The following C20orf204 variants were observed in gnomAD, a reference collection of about 807,000 sequenced individuals.
C20orf204 encodes the protein chromosome 20 open reading frame 204, also known as uncharacterized protein C20orf204.
C20orf204 carries 6 observed loss-of-function variants against 3.6 expected under a neutral mutation model. That is an observed-to-expected ratio of 1.68 (90% CI 0.92 to 3.31). The LOEUF (loss-of-function observed/expected upper bound fraction) is 3.31, where lower values mean the gene tolerates loss of function less well. C20orf204 is among the 30% of genes most tolerant of loss of function. The pLI is 0.00. For synonymous variants in C20orf204, 80 were observed against 41.4 expected (o/e 1.93, Z -3.58); for missense variants, 167 against 89.7 (o/e 1.86, Z -3.48).
At chr20:64,037,813 CCGTGGGGTGGGG>C (rs1182351496) in intron 1 of C20orf204, 102 bp from the exon 2 acceptor site, 5 of 404,996 alleles carry the variant, frequency 1.2e-5, no homozygotes, top group South Asian at 1.1e-4. Context: ...CTCAGAGATC[CCGTGGGGTGGGG>C]CAGGGGGTGG....
upstream of C20orf204, chr20:64,036,082 G>C (rs538808348): frequency 3.3e-3 from 508 of 152,498 alleles, 3 homozygotes; most frequent in Middle Eastern, 6.8e-3. Context: ...AGAGAGGGAG[G>C]GGGCAGGGCT....
rs1392198545 is a variant in C20orf204 at position 64,038,833 on chromosome 20, C to T, written c.*74C>T. ...GCAGAGCCTGGAGACGCGCCTCGTT[C>T]TGTAGACTTGTTGGTGACCTCGGCC... On this transcript the variant is annotated 3_prime_UTR_variant, in exon 4 of 4. Coordinates refer to ENST00000636176, the MANE Select transcript of C20orf204 (RefSeq NM_001387010.1). 1.3e-5 allele frequency: 9 copies of T among 714,746 alleles called. No individual in the cohort carries two copies. Among genetic ancestry groups the T allele is most frequent in the East Asian group, 2.8e-5 (1 of 36,326 alleles). The allele number at this position is 714,746 out of a possible 1,614,324, so 44.3% of individuals were successfully genotyped here.
chr20:64,036,704 C>T (rs2059338813), intron 1 of C20orf204: 2 of 152,302 alleles, frequency 1.3e-5, no homozygotes, highest in African/African-American at 4.8e-5. Context: ...CTCGCTATGA[C>T]CTCTGACCCA....
At chr20:64,036,109 T>G (rs556032046), upstream of C20orf204, 6 of 152,346 alleles carry the variant, frequency 3.9e-5, no homozygotes, top group East Asian at 7.8e-4. Context: ...GCGTGGCCTT[T>G]CCTTCCCTCT....
intron 1 of C20orf204, chr20:64,037,361 G>A (rs1414959831): frequency 6.6e-6 from 1 of 152,310 alleles, no homozygotes; most frequent in South Asian, 2.1e-4. Context: ...CAGTTCCCAC[G>A]TCTCTGTGAG....
At chr20:64,034,885 T>C (rs2059332410), upstream of C20orf204, 1 of 152,286 alleles carries the variant, frequency 6.6e-6, no homozygotes, top group African/African-American at 2.4e-5. Context: ...AGCCTGGCCC[T>C]GTACAGATGT....
At chr20:64,036,765 T>A (rs2059338933) in intron 1 of C20orf204, 1 of 152,428 alleles carries the variant, frequency 6.6e-6, no homozygotes. Flanking sequence ...AAGTTGGCTG[T>A]GGCGTGTGTG....
At chr20:64,035,663 C>T (rs962538111), upstream of C20orf204, 7 of 152,294 alleles carry the variant, frequency 4.6e-5, no homozygotes, top group African/African-American at 1.4e-4. Flanking sequence ...TCAGACTTAC[C>T]TCTTCAGCCA....
At chr20:64,037,520 T>G (rs2059342066) in intron 1 of C20orf204, 1 of 172,748 alleles carries the variant, frequency 5.8e-6, no homozygotes, top group South Asian at 2.0e-4. Flanking sequence ...TGGGGGGCCC[T>G]GCTCTGTGCG....
upstream of C20orf204, chr20:64,034,672 T>C (rs1236709032): frequency 6.6e-6 from 1 of 152,432 alleles, no homozygotes; most frequent in East Asian, 1.9e-4. Flanking sequence ...CCCTCAACAT[T>C]TATTCTGAAG....
chr20:64,035,126 A>G (rs1400026824), upstream of C20orf204: 1 of 152,246 alleles, frequency 6.6e-6, no homozygotes, highest in Non-Finnish European at 1.5e-5. Flanking sequence ...GCCAAACCAC[A>G]GTTGTGCGCC....
At chr20:64,038,548 G>A in intron 3 of C20orf204, 74 bp from the exon 4 acceptor site, 1 of 536,216 alleles carries the variant, frequency 1.9e-6, no homozygotes, top group Non-Finnish European at 3.2e-6. Flanking sequence ...AGTCGGGCTG[G>A]GTCGCGTCTC....
In C20orf204 at chr20:64,038,992, G is replaced by A. The variant is rs1569230031; in HGVS notation, c.*233G>A. 1.4e-6 allele frequency: 1 copy of A among 699,554 alleles called. No individual in the cohort carries two copies. The highest frequency in any genetic ancestry group is 1.5e-5 in the South Asian group (1 of 67,466). The allele number at this position is 699,554 out of a possible 1,614,324, so 43.3% of individuals were successfully genotyped here. A position where few individuals can be genotyped will look rare whatever the true frequency, so the allele number is the denominator to read the frequency against. ...CCTCAATAAACGGAGCTGGCGCTGC[G>A]GGTCCGGCACTCCCTTCGCCTGCCT... is the stretch of plus-strand genomic sequence containing the variant. On this transcript the variant is annotated 3_prime_UTR_variant, in exon 4 of 4. Transcript: ENST00000636176.
intron 3 of C20orf204, 86 bp downstream of exon 3, chr20:64,038,534 C>T: frequency 1.8e-6 from 1 of 563,918 alleles, no homozygotes; most frequent in African/African-American, 2.0e-5. Flanking sequence ...CGGCCCTAGG[C>T]TGAAGTCGGG....
intron 1 of C20orf204, chr20:64,037,664 A>G (rs970170109): frequency 2.7e-6 from 1 of 374,426 alleles, no homozygotes. Flanking sequence ...CTCCCAGCCG[A>G]CATCACTCAC....
At chr20:64,035,688 CAGG>C (rs1268359049), upstream of C20orf204, 4 of 152,302 alleles carry the variant, frequency 2.6e-5, no homozygotes, top group Non-Finnish European at 5.9e-5. Context: ...CCCCTCAGCC[CAGG>C]AGGAGTGAGG....
intron 2 of C20orf204, 36 bp from the exon 3 acceptor site, chr20:64,038,260 C>G (rs780026781): frequency 2.7e-6 from 2 of 742,420 alleles, no homozygotes; most frequent in South Asian, 1.4e-5. Context: ...CAGTTTCCCC[C>G]CACCCCCACC....
At position 64,038,971 on chromosome 20, in the gene C20orf204, A is replaced by G. The variant is rs1349314983; in HGVS notation, c.*212A>G. The G allele has an allele frequency of 1.4e-6, 1 of 717,712 alleles. No individual in the cohort carries two copies. The highest frequency in any genetic ancestry group is 1.9e-5 in the Admixed American group (1 of 52,590). The allele number at this position is 717,712 out of a possible 1,614,324, so 44.5% of individuals were successfully genotyped here. A position where few individuals can be genotyped will look rare whatever the true frequency, so the allele number is the denominator to read the frequency against. ...CCGCCCTCCACGCGCCGAAGGCCTC[A>G]ATAAACGGAGCTGGCGCTGCGGGTC... On this transcript the variant is annotated 3_prime_UTR_variant, in exon 4 of 4. Coordinates refer to ENST00000636176, the MANE Select transcript of C20orf204 (RefSeq NM_001387010.1).
Position 64,037,933 on chromosome 20 carries a change from C to T in C20orf204, c.10C>T (p.Pro4Ser), listed in dbSNP as rs868379548. 29 of 475,756 alleles carry T rather than the reference C, an allele frequency of 6.1e-5. No homozygotes were observed. Among genetic ancestry groups the T allele is most frequent in the Non-Finnish European group, 3.3e-5 (9 of 270,988 alleles). 29.5% of individuals were successfully genotyped at this position (475,756 alleles called of 1,614,324 possible). Residue 4 changes from proline (P) to serine (S), a missense_variant, in exon 2 of 4, where the codon CCT (proline) becomes TCT (serine). Coordinates refer to ENST00000636176, the MANE Select transcript of C20orf204 (RefSeq NM_001387010.1). MVPPKPALWALLLA... is the reference protein window; with the variant it reads MVPSKPALWALLLA... The stretch of plus-strand genomic sequence containing the variant: ...AACCTGCTGTCTCCTCCAGGTACCC[C>T]CTAAGCCTGCACTCTGGGCGCTCCT...
Sources: gnomAD v4.1 joint callset for allele counts on GRCh38, gnomAD v4.1.1 for gene constraint, MANE v1.5 for transcripts, NCBI Gene and HGNC (gene_info 2026-07-23, HGNC 2026-07-21) for gene names.